MLLT10: variants seen among roughly 807,000 people sequenced by gnomAD.
The protein encoded by MLLT10 is protein AF-10.
In MLLT10, 30 loss-of-function variants were observed where a neutral mutation model predicts 129.1. The observed-to-expected ratio is 0.23, with a 90% CI of 0.17 to 0.32. MLLT10 has a LOEUF of 0.32. Ranked by LOEUF, MLLT10 falls within the 10% of genes least tolerant of loss-of-function variation. The pLI, the probability that MLLT10 is intolerant of heterozygous loss-of-function variation, is 1.00. For synonymous variants in MLLT10, 490 were observed against 446.4 expected (o/e 1.10, Z -1.23); for missense variants, 1,119 against 1,268.3 (o/e 0.88, Z 1.79).
intron 2 of MLLT10, among the ~76,000 whole-genome samples, 168 bp downstream of exon 2, chr10:21,534,972 A>G (rs2033585132): frequency 6.7e-6 from 1 of 149,042 alleles, no homozygotes; most frequent in South Asian, 2.1e-4. Flanking sequence ...TGTGGGAGAA[A>G]GTGCGTGTGG....
intron 7 of MLLT10, among the ~76,000 whole-genome samples, chr10:21,616,803 G>T (rs116458541): frequency 0.028 from 4,198 of 151,636 alleles, 193 homozygotes; most frequent in African/African-American, 0.094. Flanking sequence ...TTTTCTCTTT[G>T]TATTGAAACT....
At chr10:21,594,715 A>T (rs539507210) in intron 4 of MLLT10, among the ~76,000 whole-genome samples, 2 of 149,958 alleles carry the variant, frequency 1.3e-5, no homozygotes, top group African/African-American at 4.9e-5. Flanking sequence ...CAGCTCTTTA[A>T]TACCTTCAGT....
intron 3 of MLLT10, among the ~76,000 whole-genome samples, chr10:21,560,154 C>T (rs771796808): frequency 9.9e-5 from 15 of 152,108 alleles, no homozygotes; most frequent in East Asian, 3.9e-4. Flanking sequence ...TACAGGCGTG[C>T]GCCACCACAC....
At chr10:21,582,693 T>C (rs72794850) in intron 3 of MLLT10, among the ~76,000 whole-genome samples, 9,814 of 152,152 alleles carry the variant, frequency 0.065, 434 homozygotes, top group Middle Eastern at 0.19. Flanking sequence ...CTCACCAGTA[T>C]TTAGGAAGAG....
intron 8 of MLLT10, among the ~76,000 whole-genome samples, chr10:21,646,356 A>C (rs765961126): frequency 1.8e-4 from 28 of 152,138 alleles, no homozygotes; most frequent in Non-Finnish European, 3.1e-4. Flanking sequence ...CCTTGAAACT[A>C]TTTGGTAATG....
intron 10 of MLLT10, among the ~76,000 whole-genome samples, chr10:21,672,207 G>GTGTGTGTGTA (rs950414625): frequency 2.5e-4 from 37 of 150,322 alleles, no homozygotes; most frequent in African/African-American, 8.6e-4. Context: ...GTGTGTGTGT[G>GTGTGTGTGTA]TGTATTTTGA....
At chr10:21,555,181 C>T (rs1330743685) in intron 3 of MLLT10, among the ~76,000 whole-genome samples, 2 of 151,982 alleles carry the variant, frequency 1.3e-5, no homozygotes, top group Admixed American at 6.6e-5. Flanking sequence ...TTGTAATCTT[C>T]TGTTCAAGTT....
chr10:21,692,455 C>T (rs1477790092), intron 13 of MLLT10, among the ~76,000 whole-genome samples: 1 of 151,980 alleles, frequency 6.6e-6, no homozygotes, highest in African/African-American at 2.4e-5. Context: ...CAGGCATGAA[C>T]CACCGCGCCT....
At chr10:21,607,416 G>A (rs909567667) in intron 5 of MLLT10, among the ~76,000 whole-genome samples, 2 of 151,170 alleles carry the variant, frequency 1.3e-5, no homozygotes, top group Non-Finnish European at 2.9e-5. Flanking sequence ...CACCTCCTGG[G>A]TTCAAGCAAT....
At chr10:21,578,431 G>C (rs2041022131) in intron 3 of MLLT10, among the ~76,000 whole-genome samples, 1 of 152,032 alleles carries the variant, frequency 6.6e-6, no homozygotes, top group Admixed American at 6.6e-5. Flanking sequence ...TTACTTTCCT[G>C]ATGGTTTTGT....
intron 4 of MLLT10, among the ~76,000 whole-genome samples, chr10:21,587,724 T>A (rs2042123185): frequency 6.6e-6 from 1 of 152,134 alleles, no homozygotes; most frequent in Non-Finnish European, 1.5e-5. Context: ...TGTGAGTAAA[T>A]AAAAGGGAAA....
chr10:21,689,565 GTATA>G (rs71393919), intron 13 of MLLT10, among the ~76,000 whole-genome samples: 2,527 of 113,420 alleles, frequency 0.022, 69 homozygotes, highest in African/African-American at 0.068. Flanking sequence ...ATATATATAT[GTATA>G]TATATATATA....
intron 13 of MLLT10, among the ~76,000 whole-genome samples, chr10:21,702,225 A>G (rs967818792): frequency 2.0e-5 from 3 of 152,182 alleles, no homozygotes; most frequent in Non-Finnish European, 4.4e-5. Context: ...GTGCCTGGCT[A>G]TGTTATTTAA....
chr10:21,734,351 ATTAGTC>A (rs1290049344), intron 20 of MLLT10, among the ~76,000 whole-genome samples: 1 of 152,208 alleles, frequency 6.6e-6, no homozygotes, highest in Admixed American at 6.5e-5. Context: ...TGTGCTGAAA[ATTAGTC>A]TTAATCTGTG....
At chr10:21,599,855 A>G (rs1245498852) in intron 5 of MLLT10, among the ~76,000 whole-genome samples, 4 of 152,234 alleles carry the variant, frequency 2.6e-5, no homozygotes, top group African/African-American at 4.8e-5. Context: ...GGCATGAGCC[A>G]CTATATGGGC....
At chr10:21,657,517 T>A (rs2049732672) in intron 9 of MLLT10, among the ~76,000 whole-genome samples, 1 of 152,178 alleles carries the variant, frequency 6.6e-6, no homozygotes, top group Non-Finnish European at 1.5e-5. Flanking sequence ...GTTCTCTTTT[T>A]AAATTGACAA....
At chr10:21,701,677 C>G (rs950661353) in intron 13 of MLLT10, among the ~76,000 whole-genome samples, 1 of 152,114 alleles carries the variant, frequency 6.6e-6, no homozygotes, top group Admixed American at 6.6e-5. Flanking sequence ...ACCTCTGCCT[C>G]CTGGGGTCCA....
chr10:21,743,102 G>A lies in MLLT10; in HGVS notation c.*1119G>A, dbSNP rs1020301257. On this transcript the variant is annotated 3_prime_UTR_variant, in exon 23 of 23. Coordinates refer to ENST00000307729, the MANE Select transcript of MLLT10 (RefSeq NM_001195626.3). ...CAGCCCTTCCACTTTGGGGAGCCAC[G>A]CTTTTGATGTGACAGTACCGCAGAG... 3.5e-5 allele frequency: 8 copies of A among 230,282 alleles called. No homozygotes were observed. In the South Asian group the frequency reaches 5.4e-4, roughly 16 times the overall value. 14.3% of individuals were successfully genotyped at this position (230,282 alleles called of 1,614,324 possible).
intron 8 of MLLT10, among the ~76,000 whole-genome samples, chr10:21,650,435 G>A (rs1201575466): frequency 2.6e-5 from 4 of 152,026 alleles, no homozygotes; most frequent in Non-Finnish European, 5.9e-5. Context: ...AATATCTTAC[G>A]TACTTAGATC....
Sources: gnomAD v4.1 joint callset for allele counts (sites outside exome capture counted in the v4.1 genomes callset) on GRCh38, gnomAD v4.1.1 for gene constraint, MANE v1.5 for transcripts, NCBI Gene and HGNC (gene_info 2026-07-23, HGNC 2026-07-21) for gene names.